ATXN10: variants seen among roughly 807,000 people sequenced by gnomAD.
ATXN10 encodes ataxin-10.
In ATXN10, 28 loss-of-function variants were observed where a neutral mutation model predicts 52.9. The ratio of observed to expected loss-of-function variants is 0.53; its 90% CI spans 0.39 to 0.73. The LOEUF (loss-of-function observed/expected upper bound fraction) is 0.73, where lower values mean the gene tolerates loss of function less well. Among genes scored for constraint, ATXN10 ranks in the 30% least tolerant of loss-of-function variants. The pLI is 0.00. For synonymous variants in ATXN10, 226 were observed against 221.5 expected (o/e 1.02, Z -0.18); for missense variants, 565 against 577.0 (o/e 0.98, Z 0.21).
Position 45,728,942 on chromosome 22 carries a change from G to C in ATXN10, c.729-483G>C, listed in dbSNP as rs1250561865. Among the ~76,000 whole-genome samples the C allele has an allele frequency of 6.6e-6, 1 of 152,178 alleles. No homozygotes were observed. The highest frequency in any genetic ancestry group is 1.5e-5 in the Non-Finnish European group (1 of 68,018). On this transcript the variant is annotated intron_variant, in intron 6 of 11. Coordinates refer to ENST00000252934, the MANE Select transcript of ATXN10 (RefSeq NM_013236.4). This position sits in a 1 kb window ranked among gnomAD's most constrained non-coding sequence, Gnocchi z 4.3. ...TCAGTGGTTTTGTGACACTGGACAA[G>C]TTAATTAACCTCACCAAGCCTTATT...
At position 45,766,856 on chromosome 22, in the gene ATXN10, A is replaced by G. The variant is rs1926600309; in HGVS notation, c.1173+26318A>G. Among the ~76,000 whole-genome samples the G allele has an allele frequency of 6.6e-6, 1 of 152,252 alleles. No homozygotes were observed. On this transcript the variant is annotated intron_variant, in intron 9 of 11. Transcript: ENST00000252934. This position sits in a 1 kb window ranked among gnomAD's most constrained non-coding sequence, Gnocchi z 4.6. ...CCCTACAGAAAAATGGATAAAAGATATGAATAGACAGTTTACAGAAAAACG... is the reference window on the plus strand; with the variant it reads ...CCCTACAGAAAAATGGATAAAAGATGTGAATAGACAGTTTACAGAAAAACG...
intron 9 of ATXN10, among the ~76,000 whole-genome samples, chr22:45,765,060 G>A (rs1264911360): frequency 6.6e-6 from 1 of 152,140 alleles, no homozygotes. Context: ...ATCCCTTTCA[G>A]GATTTCTGGT....
chr22:45,681,225 T>C lies in ATXN10; in HGVS notation c.117-8487T>C, dbSNP rs976683341. On this transcript the variant is annotated intron_variant, in intron 1 of 11. Coordinates refer to ENST00000252934, the MANE Select transcript of ATXN10 (RefSeq NM_013236.4). The surrounding 1 kb of genome is among the most constrained non-coding windows in gnomAD (Gnocchi z 4.2). ...ATTGTTTATATAGATTTTCCTTTCATTATCCTGACCTCGAATTTCTTTGAC... is the reference window on the plus strand; with the variant it reads ...ATTGTTTATATAGATTTTCCTTTCACTATCCTGACCTCGAATTTCTTTGAC... Among the ~76,000 whole-genome samples, 4 of 152,196 alleles carry C rather than the reference T, an allele frequency of 2.6e-5. No individual in the cohort carries two copies. The highest frequency in any genetic ancestry group is 9.7e-5 in the African/African-American group (4 of 41,448).
At chr22:45,765,470 T>A (rs775069575) in intron 9 of ATXN10, among the ~76,000 whole-genome samples, 3 of 152,226 alleles carry the variant, frequency 2.0e-5, no homozygotes, top group Non-Finnish European at 4.4e-5. Context: ...TCTCTCTCCC[T>A]AATTCCTAAT....
At chr22:45,796,473 C>A (rs1927743318) in intron 9 of ATXN10, among the ~76,000 whole-genome samples, 1 of 152,104 alleles carries the variant, frequency 6.6e-6, no homozygotes, top group Non-Finnish European at 1.5e-5. Flanking sequence ...GTTTGTACAC[C>A]CCTCCCCTTT....
Position 45,781,820 on chromosome 22 carries a change from A to C in ATXN10, c.1174-25139A>C, listed in dbSNP as rs1927158678. ...TAGGACTAAAAAAACAGCAACCTGA[A>C]ATAAAAAGCCAAAACTCAGTGATTG... On this transcript the variant is annotated intron_variant, in intron 9 of 11. Coordinates refer to ENST00000252934, the MANE Select transcript of ATXN10 (RefSeq NM_013236.4). This position sits in a 1 kb window ranked among gnomAD's most constrained non-coding sequence, Gnocchi z 4.2. Among the ~76,000 whole-genome samples the C allele has an allele frequency of 6.6e-6, 1 of 152,236 alleles. No individual in the cohort carries two copies. The highest frequency in any genetic ancestry group is 2.4e-5 in the African/African-American group (1 of 41,464).
In ATXN10 at chr22:45,749,715, C is replaced by T. The variant is rs371559611; in HGVS notation, c.1173+9177C>T. Among the ~76,000 whole-genome samples the T allele has an allele frequency of 6.6e-5, 10 of 152,132 alleles. No individual in the cohort carries two copies. In the South Asian group the frequency reaches 1.7e-3, roughly 25 times the overall value. On this transcript the variant is annotated intron_variant, in intron 9 of 11. Transcript: ENST00000252934. ...TAACTGGGACTGCAGGCATGTGCCA[C>T]CATGCCCGACTACTAAAAATTTTTT... is the stretch of plus-strand genomic sequence containing the variant.
In ATXN10 at chr22:45,833,492, G is replaced by T. The variant is rs2146912274; in HGVS notation, c.1238-9499G>T. Reference sequence around the variant, plus strand: ...TCCTTTCTAACTTAGAACTATTTTTGATCCTTGGCTGTACTTCATTAATTT... The same window carrying T: ...TCCTTTCTAACTTAGAACTATTTTTTATCCTTGGCTGTACTTCATTAATTT... On this transcript the variant is annotated intron_variant, in intron 10 of 11. Transcript: ENST00000252934. The surrounding 1 kb of genome is among the most constrained non-coding windows in gnomAD (Gnocchi z 4.3). 6.6e-6 allele frequency among the ~76,000 whole-genome samples: 1 copy of T among 152,174 alleles called. No individual in the cohort carries two copies. The highest frequency in any genetic ancestry group is 1.9e-4 in the East Asian group (1 of 5,202).
In ATXN10 at chr22:45,769,521, A is replaced by G. The variant is rs1477167186; in HGVS notation, c.1173+28983A>G. Among the ~76,000 whole-genome samples, 1 of 152,138 alleles carries G rather than the reference A, an allele frequency of 6.6e-6. No individual in the cohort carries two copies. The highest frequency in any genetic ancestry group is 1.5e-5 in the Non-Finnish European group (1 of 68,032). On this transcript the variant is annotated intron_variant, in intron 9 of 11. Transcript: ENST00000252934. This position sits in a 1 kb window ranked among gnomAD's most constrained non-coding sequence, Gnocchi z 4.2. ...AGTTGGGCCTTGAGGAATGGTGGGT[A>G]GCAGTTATGTGGCGATGAAGAGACT...
At chr22:45,810,150 C>T (rs1428453468) in intron 10 of ATXN10, among the ~76,000 whole-genome samples, 1 of 152,168 alleles carries the variant, frequency 6.6e-6, no homozygotes, top group African/African-American at 2.4e-5. Flanking sequence ...ACACAATTGT[C>T]TTGGCCCTAG....
Position 45,678,479 on chromosome 22 carries a change from G to T in ATXN10, c.116+6300G>T, listed in dbSNP as rs371576982. 13 of 152,292 alleles carry T rather than the reference G, an allele frequency of 8.5e-5. No individual in the cohort carries two copies. The East Asian group carries it at 9.6e-4, about 11-fold the overall frequency. 9.4% of individuals were successfully genotyped at this position (152,292 alleles called of 1,614,324 possible). On this transcript the variant is annotated intron_variant, in intron 1 of 11. Transcript: ENST00000252934. This position sits in a 1 kb window ranked among gnomAD's most constrained non-coding sequence, Gnocchi z 4.1. ...TTTATGATTTTTAAAAAGTCACATT[G>T]TTTGGAGTAGAGGGGATGTGTTTAA... is the stretch of plus-strand genomic sequence containing the variant.
rs142105374 is a variant in ATXN10 at position 45,693,625 on chromosome 22, A to G, written c.391+547A>G. ...TTGGGGATTAGATTTCAGCATAGGA[A>G]TTTCGGAGGGGCACAGATATTCAGA... is the stretch of plus-strand genomic sequence containing the variant. On this transcript the variant is annotated intron_variant, in intron 3 of 11. Coordinates refer to ENST00000252934, the MANE Select transcript of ATXN10 (RefSeq NM_013236.4). Among the ~76,000 whole-genome samples, 443 of 152,292 alleles carry G rather than the reference A, an allele frequency of 2.9e-3. 2 individuals carry two copies. The highest frequency in any genetic ancestry group is 8.5e-3 in the South Asian group (41 of 4,822).
In ATXN10 at chr22:45,715,866, T is replaced by C. The variant is rs985716599; in HGVS notation, c.648-2547T>C. ...CTCATAAGATGATTTCTAGAAAAAT[T>C]CCAAACTTTTGGAAATTAACACATC... On this transcript the variant is annotated intron_variant, in intron 5 of 11. Coordinates refer to ENST00000252934, the MANE Select transcript of ATXN10 (RefSeq NM_013236.4). The surrounding 1 kb of genome is among the most constrained non-coding windows in gnomAD (Gnocchi z 4.4). Among the ~76,000 whole-genome samples, 2 of 152,164 alleles carry C rather than the reference T, an allele frequency of 1.3e-5. No individual in the cohort carries two copies. The highest frequency in any genetic ancestry group is 2.9e-5 in the Non-Finnish European group (2 of 68,028).
rs1407219234 is a variant in ATXN10, at chr22:45,732,776, A to ACAAAT, written c.894+3189_894+3193dup. On this transcript the variant is annotated intron_variant, in intron 7 of 11. Transcript: ENST00000252934. This position sits in a 1 kb window ranked among gnomAD's most constrained non-coding sequence, Gnocchi z 4.5. ...TGTGCCATGGAAACCAGCAAATGCTACAAATCAGGGTTTTCCACCTGCCTC... is the reference window on the plus strand; with the variant it reads ...TGTGCCATGGAAACCAGCAAATGCTACAAATCAAATCAGGGTTTTCCACCTGCCTC... Among the ~76,000 whole-genome samples, 2 of 152,210 alleles carry ACAAAT rather than the reference A, an allele frequency of 1.3e-5. No homozygotes were observed. The highest frequency in any genetic ancestry group is 2.9e-5 in the Non-Finnish European group (2 of 68,036).
rs1926714297 is a variant in ATXN10 at position 45,769,819 on chromosome 22, TG to T, written c.1173+29282del. ...TGAATTTACTCTGTATGCAGTAGAGTGTGATCTGAACAAAAACTCTTAAGAG... is the reference window on the plus strand; with the variant it reads ...TGAATTTACTCTGTATGCAGTAGAGTTGATCTGAACAAAAACTCTTAAGAG... On this transcript the variant is annotated intron_variant, in intron 9 of 11. Coordinates refer to ENST00000252934, the MANE Select transcript of ATXN10 (RefSeq NM_013236.4). The surrounding 1 kb of genome is among the most constrained non-coding windows in gnomAD (Gnocchi z 4.2). Among the ~76,000 whole-genome samples, 1 of 152,058 alleles carries T rather than the reference TG, an allele frequency of 6.6e-6. No individual in the cohort carries two copies.
chr22:45,727,313 C>G lies in ATXN10; in HGVS notation c.729-2112C>G, dbSNP rs1483213036. Reference sequence around the variant, plus strand: ...GAGAAGATACTTGATATAGTTCTGTCTGTCTGTCTATCTATCTATATCTAT... The same window carrying G: ...GAGAAGATACTTGATATAGTTCTGTGTGTCTGTCTATCTATCTATATCTAT... On this transcript the variant is annotated intron_variant, in intron 6 of 11. Coordinates refer to ENST00000252934, the MANE Select transcript of ATXN10 (RefSeq NM_013236.4). This position sits in a 1 kb window ranked among gnomAD's most constrained non-coding sequence, Gnocchi z 4.6. Among the ~76,000 whole-genome samples, 4 of 145,854 alleles carry G rather than the reference C, an allele frequency of 2.7e-5. No individual in the cohort carries two copies. Among genetic ancestry groups the G allele is most frequent in the Non-Finnish European group, 4.5e-5 (3 of 66,776 alleles).
At chr22:45,832,068 C>A (rs1396923694) in intron 10 of ATXN10, among the ~76,000 whole-genome samples, 1 of 152,214 alleles carries the variant, frequency 6.6e-6, no homozygotes, top group Non-Finnish European at 1.5e-5. Context: ...GAACCCAAGT[C>A]TGTATTATTC....
intron 5 of ATXN10, among the ~76,000 whole-genome samples, chr22:45,706,786 CAT>C (rs1464125104): frequency 6.6e-6 from 1 of 151,840 alleles, no homozygotes; most frequent in African/African-American, 2.4e-5. Context: ...TATGGCCTGA[CAT>C]GTGGTCTGTC....
chr22:45,788,464 T>C (rs950938613), intron 9 of ATXN10, among the ~76,000 whole-genome samples: 1 of 151,334 alleles, frequency 6.6e-6, no homozygotes, highest in Non-Finnish European at 1.5e-5. Context: ...CGTATCCACC[T>C]GCATCTTTCT....
Sources: allele counts gnomAD v4.1 joint callset (sites outside exome capture counted in the v4.1 genomes callset), GRCh38; gene constraint gnomAD v4.1.1; non-coding constraint Gnocchi (gnomAD v3.1); transcripts MANE v1.5; gene names NCBI Gene and HGNC (gene_info 2026-07-23, HGNC 2026-07-21).